The following ARL15 variants were observed in gnomAD, a reference collection of about 807,000 sequenced individuals.
The protein encoded by ARL15 is ARF like GTPase 15, also known as ADP-ribosylation factor-like protein 15.
Under a neutral mutation model 25.2 loss-of-function variants are expected in ARL15, and 19 were observed. The ratio of observed to expected loss-of-function variants is 0.75; its 90% CI spans 0.53 to 1.10. ARL15 has a LOEUF of 1.10. Ranked by LOEUF, ARL15 falls within the 50% of genes least tolerant of loss-of-function variation. The pLI is 0.00. For synonymous variants in ARL15, 94 were observed against 86.8 expected (o/e 1.08, Z -0.46); for missense variants, 220 against 246.0 (o/e 0.89, Z 0.71).
At chr5:53,943,759 A>C (rs934847533) in intron 4 of ARL15, among the ~76,000 whole-genome samples, 11 of 152,152 alleles carry the variant, frequency 7.2e-5, no homozygotes, top group Non-Finnish European at 5.9e-5. Flanking sequence ...AAGCTGGATA[A>C]ATTTTCTACC....
intron 1 of ARL15, among the ~76,000 whole-genome samples, chr5:54,190,944 T>C (rs1456410660): frequency 6.6e-6 from 1 of 152,178 alleles, no homozygotes; most frequent in Non-Finnish European, 1.5e-5. Flanking sequence ...GATCCAATAA[T>C]GCCATGTCTG....
chr5:54,200,838 C>G (rs551518531), intron 1 of ARL15, among the ~76,000 whole-genome samples: 1 of 152,312 alleles, frequency 6.6e-6, no homozygotes, highest in East Asian at 1.9e-4. Flanking sequence ...AAAACAACAA[C>G]TCAATAAACT....
At chr5:54,179,963 A>C (rs1040248678) in intron 1 of ARL15, among the ~76,000 whole-genome samples, 2 of 146,786 alleles carry the variant, frequency 1.4e-5, no homozygotes, top group African/African-American at 5.1e-5. Flanking sequence ...GGTTGCAGTG[A>C]GCTGAGATCG....
At chr5:54,239,306 A>C (rs2112571861) in intron 1 of ARL15, among the ~76,000 whole-genome samples, 1 of 152,182 alleles carries the variant, frequency 6.6e-6, no homozygotes, top group Middle Eastern at 3.4e-3. Context: ...TCTGAAATAT[A>C]CAGTTCAGGT....
At chr5:54,110,803 A>G (rs1270848325) in intron 4 of ARL15, among the ~76,000 whole-genome samples, 1 of 152,008 alleles carries the variant, frequency 6.6e-6, no homozygotes, top group Non-Finnish European at 1.5e-5. Context: ...CCTGCTCCCA[A>G]CGATTTTAAA....
chr5:53,957,442 T>C (rs1209497199), intron 4 of ARL15, among the ~76,000 whole-genome samples: 3 of 150,754 alleles, frequency 2.0e-5, no homozygotes, highest in African/African-American at 7.3e-5. Flanking sequence ...TTAGTAGACC[T>C]CCCTTACCAG....
At chr5:53,944,519 G>A (rs547330120) in intron 4 of ARL15, among the ~76,000 whole-genome samples, 11 of 152,188 alleles carry the variant, frequency 7.2e-5, no homozygotes, top group African/African-American at 2.6e-4. Context: ...CTGAGTCTGG[G>A]AGGTTGAGGC....
At chr5:54,009,911 C>G (rs1022384604) in intron 4 of ARL15, among the ~76,000 whole-genome samples, 1 of 152,092 alleles carries the variant, frequency 6.6e-6, no homozygotes, top group South Asian at 2.1e-4. Context: ...TTCCTCAATT[C>G]TCAGGCCACC....
At chr5:53,891,777 G>A (rs1023278056) in intron 4 of ARL15, among the ~76,000 whole-genome samples, 1 of 152,142 alleles carries the variant, frequency 6.6e-6, no homozygotes, top group African/African-American at 2.4e-5. Flanking sequence ...AAGGAGCTTT[G>A]GAAAGTTTTG....
intron 1 of ARL15, among the ~76,000 whole-genome samples, chr5:54,176,571 G>A (rs1178191910): frequency 6.6e-6 from 1 of 152,138 alleles, no homozygotes; most frequent in Non-Finnish European, 1.5e-5. Flanking sequence ...CCCTTTCACT[G>A]TTGTACAATG....
At chr5:53,921,013 G>A (rs1383197534) in intron 4 of ARL15, among the ~76,000 whole-genome samples, 2 of 152,096 alleles carry the variant, frequency 1.3e-5, no homozygotes, top group African/African-American at 4.8e-5. Context: ...AGGACATCAG[G>A]GTCCTTGAAT....
At chr5:54,160,833 T>C (rs563705029) in intron 2 of ARL15, among the ~76,000 whole-genome samples, 3 of 152,314 alleles carry the variant, frequency 2.0e-5, no homozygotes, top group South Asian at 4.1e-4. Flanking sequence ...TTCTCATATG[T>C]TTTCATTTTA....
At position 53,884,632 on chromosome 5, in the gene ARL15, C is replaced by T. The variant is rs1300616891; in HGVS notation, c.*1929G>A. 6.6e-6 allele frequency: 1 copy of T among 151,950 alleles called. No individual in the cohort carries two copies. The highest frequency in any genetic ancestry group is 2.4e-5 in the African/African-American group (1 of 41,306). 9.4% of individuals were successfully genotyped at this position (151,950 alleles called of 1,614,324 possible). On this transcript the variant is annotated 3_prime_UTR_variant, in exon 5 of 5. Transcript: ENST00000504924. ...TGACGGCTGAGACGCTGCAGACAGT[C>T]GTGGGTTTGAGGAGAGGCCCATCAC...
chr5:53,965,427 A>G (rs1363067656), intron 4 of ARL15, among the ~76,000 whole-genome samples: 1 of 152,188 alleles, frequency 6.6e-6, no homozygotes, highest in Non-Finnish European at 1.5e-5. Flanking sequence ...GATTGACAAC[A>G]GTTGACATTT....
chr5:53,910,753 T>A (rs1421926408), intron 4 of ARL15, among the ~76,000 whole-genome samples: 3 of 149,432 alleles, frequency 2.0e-5, no homozygotes, highest in Non-Finnish European at 4.4e-5. Flanking sequence ...TTTTCCATAA[T>A]GAGAAAGAAT....
chr5:54,106,608 C>T (rs969930158), intron 4 of ARL15, among the ~76,000 whole-genome samples: 14 of 151,984 alleles, frequency 9.2e-5, no homozygotes, highest in African/African-American at 2.7e-4. Flanking sequence ...GTAAATGCTA[C>T]GTATATAGTT....
chr5:54,065,881 T>A (rs1448888468), intron 4 of ARL15, among the ~76,000 whole-genome samples: 1 of 152,182 alleles, frequency 6.6e-6, no homozygotes, highest in Admixed American at 6.5e-5. Flanking sequence ...TTTCACTTAT[T>A]CTATTTATTT....
At position 54,298,625 on chromosome 5, in the gene ARL15, C is replaced by G. The variant is rs1181212220; in HGVS notation, c.48+11807G>C. On this transcript the variant is annotated intron_variant, in intron 1 of 4. Coordinates refer to ENST00000504924, the MANE Select transcript of ARL15 (RefSeq NM_019087.3). ...CATAAAACATTCATTGGAGCAGCATCATTTCCTCATTCCCCACTCCTCCAC... is the reference window on the plus strand; with the variant it reads ...CATAAAACATTCATTGGAGCAGCATGATTTCCTCATTCCCCACTCCTCCAC... Among the ~76,000 whole-genome samples, 6 of 152,090 alleles carry G rather than the reference C, an allele frequency of 3.9e-5. No individual in the cohort carries two copies. In the East Asian group the frequency reaches 1.2e-3, roughly 29 times the overall value.
chr5:54,103,730 A>G (rs1206749878), intron 4 of ARL15, among the ~76,000 whole-genome samples: 1 of 152,202 alleles, frequency 6.6e-6, no homozygotes, highest in Non-Finnish European at 1.5e-5. Context: ...GAAAAAATAA[A>G]GTGGCAAGGA....
Sources: allele counts gnomAD v4.1 joint callset (sites outside exome capture counted in the v4.1 genomes callset), GRCh38; gene constraint gnomAD v4.1.1; transcripts MANE v1.5; gene names NCBI Gene and HGNC (gene_info 2026-07-23, HGNC 2026-07-21).